GRIN2B: variants seen among roughly 807,000 people sequenced by gnomAD.
The protein encoded by GRIN2B is glutamate ionotropic receptor NMDA type subunit 2B, also known as glutamate receptor ionotropic, NMDA 2B.
GRIN2B carries 5 observed loss-of-function variants against 114.5 expected under a neutral mutation model. The observed-to-expected ratio is 0.04, with a 90% confidence interval of 0.02 to 0.09. The LOEUF is 0.09. Among genes scored for constraint, GRIN2B ranks in the 10% least tolerant of loss-of-function variants. GRIN2B has a pLI of 1.00. For missense variants in GRIN2B, 1,108 were observed against 1,943.5 expected (o/e 0.57, Z 8.08); for synonymous variants, 787 against 745.1 (o/e 1.06, Z -0.92).
chr12:13,942,163 G>T (rs1867269346), intron 2 of GRIN2B, among the ~76,000 whole-genome samples: 1 of 152,126 alleles, frequency 6.6e-6, no homozygotes, highest in Admixed American at 6.5e-5. Context: ...ACTTCATCGG[G>T]GGTCATAAGT....
intron 4 of GRIN2B, among the ~76,000 whole-genome samples, chr12:13,705,750 A>G (rs1280458260): frequency 6.6e-6 from 1 of 152,190 alleles, no homozygotes; most frequent in African/African-American, 2.4e-5. Context: ...TAATGTAGAG[A>G]TACTCAAGAG....
chr12:13,809,666 A>G (rs1864689484), intron 3 of GRIN2B, among the ~76,000 whole-genome samples: 1 of 152,196 alleles, frequency 6.6e-6, no homozygotes, highest in Non-Finnish European at 1.5e-5. Flanking sequence ...AAAGAAAGAA[A>G]TCAGCAACAC....
At position 13,768,204 on chromosome 12, in the gene GRIN2B, G is replaced by A. The variant is rs73300399; in HGVS notation, c.412-14289C>T. Among the ~76,000 whole-genome samples the A allele has an allele frequency of 6.6e-3, 1,010 of 152,292 alleles. 14 individuals carry two copies. The highest frequency in any genetic ancestry group is 0.023 in the African/African-American group (948 of 41,570). ...TTTAGACTACCTGCCCTGGTTCACA[G>A]CTTCAGCTTTTCTTTGCACATTAAG... On this transcript the variant is annotated intron_variant, in intron 3 of 13. Coordinates refer to ENST00000609686, the MANE Select transcript of GRIN2B (RefSeq NM_000834.5).
chr12:13,792,441 GAGA>G (rs1166379296), intron 3 of GRIN2B, among the ~76,000 whole-genome samples: 6 of 152,232 alleles, frequency 3.9e-5, no homozygotes, highest in Non-Finnish European at 2.9e-5. Context: ...AATAAGAAAG[GAGA>G]AGATGTAAGT....
At position 13,538,051 on chromosome 12, in the gene GRIN2B, A is replaced by G. The variant is rs1170469186; in HGVS notation, c.*24732T>C. The G allele has an allele frequency of 6.6e-6, 1 of 152,190 alleles. No homozygotes were observed. The highest frequency in any genetic ancestry group is 1.5e-5 in the Non-Finnish European group (1 of 68,034). The allele number at this position is 152,190 out of a possible 1,614,324, so 9.4% of individuals were successfully genotyped here. On this transcript the variant is annotated 3_prime_UTR_variant, in exon 14 of 14. Transcript: ENST00000609686. ...GAGGATCATTTATATTTTTGAAAGA[A>G]TTAGTTTGCATTTGTAAAAGAATAG...
rs552150536 is a variant in GRIN2B, at chr12:13,947,091, A to AT, written c.-19+32836dup. ...ATAGTAGGAAACTGATAATCTGAAC[A>AT]TTAAGTCCTTTAAAATGATCCATGC... On this transcript the variant is annotated intron_variant, in intron 2 of 13. Coordinates refer to ENST00000609686, the MANE Select transcript of GRIN2B (RefSeq NM_000834.5). Among the ~76,000 whole-genome samples, 518 of 152,324 alleles carry AT rather than the reference A, an allele frequency of 3.4e-3. 1 individual carries two copies. Among genetic ancestry groups the AT allele is most frequent in the Non-Finnish European group, 5.6e-3 (383 of 68,030 alleles).
intron 10 of GRIN2B, among the ~76,000 whole-genome samples, chr12:13,582,786 C>A (rs1948870478): frequency 1.3e-5 from 2 of 152,124 alleles, no homozygotes; most frequent in African/African-American, 4.8e-5. Context: ...TCATCACCCT[C>A]CTGCTGGAGC....
chr12:13,948,997 C>T (rs1424639097), intron 2 of GRIN2B, among the ~76,000 whole-genome samples: 4 of 152,064 alleles, frequency 2.6e-5, no homozygotes. Context: ...AGAGTGTTCC[C>T]AGAGGTTCTA....
chr12:13,773,068 G>A (rs73053657), intron 3 of GRIN2B, among the ~76,000 whole-genome samples: 11,426 of 152,208 alleles, frequency 0.075, 596 homozygotes, highest in Non-Finnish European at 0.12. Flanking sequence ...GACCAATGGG[G>A]TGATGGGTTG....
chr12:13,659,825 G>T (rs958971495), intron 5 of GRIN2B, among the ~76,000 whole-genome samples: 1 of 151,992 alleles, frequency 6.6e-6, no homozygotes, highest in African/African-American at 2.4e-5. Context: ...CTTTTTATAA[G>T]CCCCTTTGTC....
chr12:13,871,610 A>G (rs1865908729), intron 2 of GRIN2B, among the ~76,000 whole-genome samples: 1 of 151,974 alleles, frequency 6.6e-6, no homozygotes, highest in Non-Finnish European at 1.5e-5. Flanking sequence ...TTAAAAACTT[A>G]ACAGTCAACC....
chr12:13,699,422 G>A lies in GRIN2B; in HGVS notation c.1011-23563C>T, dbSNP rs1360182578. On this transcript the variant is annotated intron_variant, in intron 4 of 13. Transcript: ENST00000609686. ...CAAATAGTATAAGAAATCTGCAAAA[G>A]AATCACAAGAATTAACATGTATCAC... Among the ~76,000 whole-genome samples, 6 of 152,166 alleles carry A rather than the reference G, an allele frequency of 3.9e-5. No individual in the cohort carries two copies. In the East Asian group the frequency reaches 1.2e-3, roughly 29 times the overall value.
chr12:13,679,883 C>T (rs145750249), intron 4 of GRIN2B, among the ~76,000 whole-genome samples: 111 of 152,142 alleles, frequency 7.3e-4, no homozygotes, highest in African/African-American at 2.2e-3. Context: ...TTACTTCCAG[C>T]TTATCAGAGA....
chr12:13,847,990 C>A lies in GRIN2B; in HGVS notation c.411+17808G>T, dbSNP rs1458932452. Among the ~76,000 whole-genome samples, 4 of 152,110 alleles carry A rather than the reference C, an allele frequency of 2.6e-5. No homozygotes were observed. The South Asian group carries it at 8.3e-4, about 32-fold the overall frequency. On this transcript the variant is annotated intron_variant, in intron 3 of 13. Coordinates refer to ENST00000609686, the MANE Select transcript of GRIN2B (RefSeq NM_000834.5). ...CTTAATAGACAAAATTCTCTCCAGGCTCCAGAGCAGGTATGGACAGTCCCC... is the reference window on the plus strand; with the variant it reads ...CTTAATAGACAAAATTCTCTCCAGGATCCAGAGCAGGTATGGACAGTCCCC...
At chr12:13,644,437 G>A (rs1017649547) in intron 5 of GRIN2B, among the ~76,000 whole-genome samples, 3 of 152,140 alleles carry the variant, frequency 2.0e-5, no homozygotes, top group Non-Finnish European at 4.4e-5. Flanking sequence ...TCCATTGATA[G>A]AGCATGGATA....
At chr12:13,733,334 A>G (rs10492135) in intron 4 of GRIN2B, among the ~76,000 whole-genome samples, 24,721 of 150,844 alleles carry the variant, frequency 0.16, 2,573 homozygotes, top group Non-Finnish European at 0.24. Flanking sequence ...ATTCATTGTC[A>G]TAAACACCCT....
chr12:13,728,403 C>G (rs937778557), intron 4 of GRIN2B, among the ~76,000 whole-genome samples: 50 of 152,062 alleles, frequency 3.3e-4, no homozygotes, highest in African/African-American at 1.2e-3. Context: ...ATCCAGCCAC[C>G]AAAGGATGCC....
chr12:13,804,015 A>T (rs1028984208), intron 3 of GRIN2B, among the ~76,000 whole-genome samples: 2 of 152,098 alleles, frequency 1.3e-5, no homozygotes, highest in African/African-American at 4.8e-5. Context: ...TTTATTCACC[A>T]TTTACCCATT....
Position 13,549,141 on chromosome 12 carries a change from T to A in GRIN2B, c.*13642A>T, listed in dbSNP as rs1948381478. On this transcript the variant is annotated 3_prime_UTR_variant, in exon 14 of 14. Transcript: ENST00000609686. Reference sequence around the variant, plus strand: ...CTAAAATCTTTGGAAAGATGGATTATATCCTGAGCTTGATATCATTCATAA... The same window carrying A: ...CTAAAATCTTTGGAAAGATGGATTAAATCCTGAGCTTGATATCATTCATAA... 2.0e-5 allele frequency: 3 copies of A among 152,218 alleles called. No individual in the cohort carries two copies. The South Asian group carries it at 6.2e-4, about 32-fold the overall frequency. The allele number at this position is 152,218 out of a possible 1,614,324, so 9.4% of individuals were successfully genotyped here.
Sources: gnomAD v4.1 joint callset for allele counts (sites outside exome capture counted in the v4.1 genomes callset) on GRCh38, gnomAD v4.1.1 for gene constraint, MANE v1.5 for transcripts, NCBI Gene and HGNC (gene_info 2026-07-23, HGNC 2026-07-21) for gene names.